The following CLYBL variants were observed in gnomAD, a reference collection of about 807,000 sequenced individuals.
CLYBL encodes the protein citramalyl-CoA lyase.
CLYBL carries 31 observed loss-of-function variants against 38.9 expected under a neutral mutation model. That is an observed-to-expected ratio of 0.80 (90% confidence interval 0.60 to 1.08). CLYBL has a LOEUF of 1.08. Among genes scored for constraint, CLYBL ranks in the 50% least tolerant of loss-of-function variants. The pLI is 0.00. For missense variants in CLYBL, 434 were observed against 411.6 expected, an observed-to-expected ratio of 1.05 and a Z score of -0.47; for synonymous variants, 171 against 158.6, an observed-to-expected ratio of 1.08 and a Z score of -0.59.
At chr13:99,841,858 G>A (rs1261017001) in intron 2 of CLYBL, among the ~76,000 whole-genome samples, 27 of 124,816 alleles carry the variant, frequency 2.2e-4, no homozygotes, top group Non-Finnish European at 6.4e-5. Context: ...CTTTGTCACC[G>A]AGGGTGGAGT....
intron 1 of CLYBL, among the ~76,000 whole-genome samples, chr13:99,764,523 G>A (rs926699580): frequency 6.6e-6 from 1 of 151,918 alleles, no homozygotes; most frequent in Non-Finnish European, 1.5e-5. Flanking sequence ...AGTTTTGTTG[G>A]CATGTAGTTG....
At chr13:99,651,794 T>C (rs1055633822) in intron 1 of CLYBL, among the ~76,000 whole-genome samples, 3 of 151,760 alleles carry the variant, frequency 2.0e-5, no homozygotes, top group South Asian at 4.2e-4. Context: ...TAGCCAGGCC[T>C]GGTGGCACGT....
intron 1 of CLYBL, among the ~76,000 whole-genome samples, chr13:99,702,265 C>T (rs574370124): frequency 1.3e-4 from 20 of 152,134 alleles, no homozygotes; most frequent in South Asian, 1.0e-3. Flanking sequence ...CACAGGTATG[C>T]GCCACTCCGC....
intron 2 of CLYBL, among the ~76,000 whole-genome samples, chr13:99,845,332 A>C (rs2051175272): frequency 6.6e-6 from 1 of 152,212 alleles, no homozygotes; most frequent in Non-Finnish European, 1.5e-5. Context: ...AAAACATGGC[A>C]GTGTTGCAGG....
At chr13:99,885,071 ACTGGGTG>A in intron 7 of CLYBL, 1 of 529,988 alleles carries the variant, frequency 1.9e-6, no homozygotes, top group Middle Eastern at 3.2e-4. Context: ...CCTGGCAGGT[ACTGGGTG>A]CTGGGTGCCA....
intron 1 of CLYBL, among the ~76,000 whole-genome samples, chr13:99,634,956 C>T (rs528879345): frequency 1.4e-4 from 22 of 152,242 alleles, no homozygotes; most frequent in African/African-American, 4.8e-4. Flanking sequence ...ATTCCCGGAG[C>T]GGCAGCTCCA....
chr13:99,732,647 C>T (rs1239223463), intron 1 of CLYBL, among the ~76,000 whole-genome samples: 4 of 152,028 alleles, frequency 2.6e-5, no homozygotes, highest in Non-Finnish European at 5.9e-5. Flanking sequence ...AGGGAACATA[C>T]CTATTAACTC....
chr13:99,860,079 T>G (rs2051562864), intron 3 of CLYBL, among the ~76,000 whole-genome samples: 1 of 152,164 alleles, frequency 6.6e-6, no homozygotes, highest in Non-Finnish European at 1.5e-5. Context: ...CCACGGCCAC[T>G]ATGACATGTG....
chr13:99,669,572 T>C (rs540003909), intron 1 of CLYBL, among the ~76,000 whole-genome samples: 1 of 152,202 alleles, frequency 6.6e-6, no homozygotes, highest in Non-Finnish European at 1.5e-5. Flanking sequence ...TTTCAAATCA[T>C]TATTTCATTT....
intron 1 of CLYBL, among the ~76,000 whole-genome samples, chr13:99,710,881 C>CTTT (rs748011707): frequency 1.8e-3 from 151 of 83,858 alleles, no homozygotes; most frequent in South Asian, 2.5e-3. Flanking sequence ...TTTCTAACCC[C>CTTT]TTTTTTTTTT....
intron 8 of CLYBL, chr13:99,892,127 C>CAT (rs2052504623): frequency 6.6e-6 from 1 of 152,178 alleles, no homozygotes; most frequent in Admixed American, 6.5e-5. Context: ...AACACAAGAC[C>CAT]ATCCATTCTC....
At chr13:99,685,403 T>C (rs907202094) in intron 1 of CLYBL, among the ~76,000 whole-genome samples, 1 of 152,202 alleles carries the variant, frequency 6.6e-6, no homozygotes, top group Non-Finnish European at 1.5e-5. Flanking sequence ...ATATTTATAA[T>C]CTTTATTTCA....
intron 1 of CLYBL, among the ~76,000 whole-genome samples, chr13:99,725,958 T>A (rs1313442899): frequency 6.6e-6 from 1 of 152,208 alleles, no homozygotes; most frequent in Non-Finnish European, 1.5e-5. Context: ...TATGGAGAGA[T>A]AAAATCCCTT....
At chr13:99,905,543 A>C (rs1210063940) in intron 9 of CLYBL, among the ~76,000 whole-genome samples, 1 of 151,256 alleles carries the variant, frequency 6.6e-6, no homozygotes, top group African/African-American at 2.4e-5. Flanking sequence ...ACCCTCCCCC[A>C]CCTCCATTCT....
chr13:99,681,667 A>G (rs369534734), intron 1 of CLYBL, among the ~76,000 whole-genome samples: 5,041 of 144,210 alleles, frequency 0.035, 288 homozygotes, highest in African/African-American at 0.14. Context: ...GCTCATTGCA[A>G]CCTCCACCTT....
chr13:99,671,549 G>A (rs1046106308), intron 1 of CLYBL, among the ~76,000 whole-genome samples: 31 of 152,134 alleles, frequency 2.0e-4, no homozygotes, highest in African/African-American at 7.5e-4. Flanking sequence ...GGAGGCCGAG[G>A]TGGGCAGATC....
At chr13:99,637,703 A>G (rs1387821739) in intron 1 of CLYBL, among the ~76,000 whole-genome samples, 1 of 152,198 alleles carries the variant, frequency 6.6e-6, no homozygotes, top group African/African-American at 2.4e-5. Context: ...GGTTGCGGTG[A>G]GCTGAGATCG....
intron 2 of CLYBL, among the ~76,000 whole-genome samples, chr13:99,828,499 G>A (rs529530974): frequency 6.6e-6 from 1 of 152,120 alleles, no homozygotes; most frequent in Non-Finnish European, 1.5e-5. Flanking sequence ...TTTCCTAGTG[G>A]CAAATTATTT....
At chr13:99,748,429 GTTTTTTTTTTTTTT>G (rs1165919560) in intron 1 of CLYBL, among the ~76,000 whole-genome samples, 5 of 87,686 alleles carry the variant, frequency 5.7e-5, no homozygotes, top group South Asian at 3.7e-4. Context: ...CTAGTTTTGT[GTTTTTTTTTTTTTT>G]TTTTTTTTTT....
Sources: allele counts gnomAD v4.1 joint callset (sites outside exome capture counted in the v4.1 genomes callset), GRCh38; gene constraint gnomAD v4.1.1; transcripts MANE v1.5; gene names NCBI Gene and HGNC (gene_info 2026-07-23, HGNC 2026-07-21).